The following RYR2 variants were observed in gnomAD, a reference collection of about 807,000 sequenced individuals.
RYR2 encodes cardiac muscle ryanodine receptor-calcium release channel.
In RYR2, 227 loss-of-function variants were observed where a neutral mutation model predicts 601.1. The ratio of observed to expected loss-of-function variants is 0.38; its 90% CI spans 0.34 to 0.42. The LOEUF is 0.42. RYR2 is among the 10% of genes least tolerant of loss of function. The pLI, the probability that RYR2 is intolerant of heterozygous loss-of-function variation, is 1.00. For missense variants in RYR2, 4,646 were observed against 6,156.5 expected, an observed-to-expected ratio of 0.75 and a Z score of 8.21; for synonymous variants, 2,223 against 2,175.1, an observed-to-expected ratio of 1.02 and a Z score of -0.61.
At chr1:237,523,666 G>A (rs1667304239) in intron 24 of RYR2, among the ~76,000 whole-genome samples, 1 of 152,004 alleles carries the variant, frequency 6.6e-6, no homozygotes, top group Admixed American at 6.6e-5. Flanking sequence ...GAACCTGGGA[G>A]GAAGTGGTTG....
At chr1:237,366,604 AC>A (rs1416194515) in intron 5 of RYR2, among the ~76,000 whole-genome samples, 1 of 152,032 alleles carries the variant, frequency 6.6e-6, no homozygotes, top group Non-Finnish European at 1.5e-5. Context: ...GAGCCAAAAA[AC>A]AAAAAAAGCA....
intron 2 of RYR2, among the ~76,000 whole-genome samples, chr1:237,323,726 A>G (rs1695872720): frequency 6.6e-6 from 1 of 152,154 alleles, no homozygotes; most frequent in South Asian, 2.1e-4. Flanking sequence ...ATGTACTGCT[A>G]ATTACCACTC....
Position 237,548,542 on chromosome 1 carries a change from G to A in RYR2, c.3018G>A (p.Val1006=). ...AGTTGGCAGAAAATGCACATAATGT[G>A]TGGGCGCGGGATCGAATCCGGCAGG... ...VDKLAENAHN[V]WARDRIRQGW... The change falls in exon 26 of 105, where the codon GTG becomes GTA. Residue 1006 remains valine, a synonymous_variant. Transcript: ENST00000366574. The A allele has an allele frequency of 6.2e-7, 1 of 1,614,018 alleles. No homozygotes were observed. Among genetic ancestry groups the A allele is most frequent in the Non-Finnish European group, 8.5e-7 (1 of 1,179,884 alleles).
intron 3 of RYR2, among the ~76,000 whole-genome samples, chr1:237,335,212 T>TC: frequency 6.6e-6 from 1 of 152,164 alleles, no homozygotes; most frequent in East Asian, 1.9e-4. Context: ...TTTGCTTGTT[T>TC]CCATGTGTTT....
chr1:237,727,849 G>A (rs1259796530), intron 76 of RYR2, among the ~76,000 whole-genome samples: 1 of 152,058 alleles, frequency 6.6e-6, no homozygotes, highest in Non-Finnish European at 1.5e-5. Flanking sequence ...GTACATTCAA[G>A]TCTGGCTTAG....
intron 1 of RYR2, among the ~76,000 whole-genome samples, chr1:237,061,287 C>T (rs1662848317): frequency 2.1e-5 from 1 of 47,872 alleles, no homozygotes; most frequent in African/African-American, 5.0e-5. Flanking sequence ...ATCTATCTAT[C>T]TATCTATCTA....
chr1:237,624,957 T>C (rs61834867), intron 39 of RYR2, among the ~76,000 whole-genome samples: 3,077 of 145,414 alleles, frequency 0.021, 54 homozygotes, highest in Middle Eastern at 0.077. Context: ...CAGAAAATTA[T>C]ACTACATGTG....
chr1:237,272,049 A>G (rs2098504), intron 2 of RYR2, among the ~76,000 whole-genome samples: 74,535 of 151,944 alleles, frequency 0.49, 20,255 homozygotes, highest in East Asian at 0.78. Context: ...AGAATCCCTT[A>G]AACCCAGGAA....
intron 1 of RYR2, among the ~76,000 whole-genome samples, chr1:237,065,087 C>T (rs974782472): frequency 5.3e-5 from 8 of 151,942 alleles, no homozygotes; most frequent in Non-Finnish European, 1.0e-4. Context: ...TGATACTCTC[C>T]AGTCATTTTT....
intron 1 of RYR2, among the ~76,000 whole-genome samples, chr1:237,165,236 G>C (rs1034567682): frequency 6.6e-6 from 1 of 152,202 alleles, no homozygotes; most frequent in African/African-American, 2.4e-5. Flanking sequence ...ACAAGAGTGA[G>C]GTAAAGTGGT....
chr1:237,105,316 G>A (rs1668541297), intron 1 of RYR2, among the ~76,000 whole-genome samples: 1 of 152,178 alleles, frequency 6.6e-6, no homozygotes, highest in Non-Finnish European at 1.5e-5. Context: ...GAATTGCATT[G>A]CATGTTAGAA....
At chr1:237,297,650 C>T (rs1020981630) in intron 2 of RYR2, among the ~76,000 whole-genome samples, 1 of 151,930 alleles carries the variant, frequency 6.6e-6, no homozygotes, top group Non-Finnish European at 1.5e-5. Context: ...CTCTGCAACT[C>T]ACATTGAGAG....
At chr1:237,345,460 T>TAAAAAAA (rs1558658074) in intron 3 of RYR2, among the ~76,000 whole-genome samples, 2 of 128,668 alleles carry the variant, frequency 1.6e-5, no homozygotes, top group Non-Finnish European at 3.3e-5. Context: ...TGCCAAAAAA[T>TAAAAAAA]AAAAAATAAA....
intron 1 of RYR2, among the ~76,000 whole-genome samples, chr1:237,138,701 G>A (rs992530421): frequency 6.6e-6 from 1 of 152,170 alleles, no homozygotes; most frequent in African/African-American, 2.4e-5. Flanking sequence ...TATTCAGCAT[G>A]TAAACATTTG....
chr1:237,395,284 C>G (rs1026574271), intron 10 of RYR2, among the ~76,000 whole-genome samples: 1 of 152,158 alleles, frequency 6.6e-6, no homozygotes, highest in Non-Finnish European at 1.5e-5. Flanking sequence ...TCAGCCAAGT[C>G]TTTGTTGACC....
intron 84 of RYR2, among the ~76,000 whole-genome samples, chr1:237,768,202 A>C (rs946112794): frequency 6.6e-6 from 1 of 152,242 alleles, no homozygotes; most frequent in South Asian, 2.1e-4. Flanking sequence ...ATCCATGAAG[A>C]TGGTGTTCAG....
intron 58 of RYR2, among the ~76,000 whole-genome samples, chr1:237,672,804 T>C (rs1372470663): frequency 2.0e-5 from 3 of 152,234 alleles, no homozygotes; most frequent in African/African-American, 7.2e-5. Flanking sequence ...GACAACTGTT[T>C]GTGCTTGATA....
chr1:237,605,783 A>G (rs1382450311), intron 35 of RYR2, among the ~76,000 whole-genome samples: 2 of 152,112 alleles, frequency 1.3e-5, no homozygotes, highest in Admixed American at 6.6e-5. Flanking sequence ...ACAGACAAAC[A>G]GAGAGCCAAA....
intron 102 of RYR2, 99 bp downstream of exon 102, chr1:237,828,544 G>C (rs1398114523): frequency 1.3e-6 from 1 of 770,642 alleles, no homozygotes; most frequent in Non-Finnish European, 2.1e-6. Context: ...GAAGGAGGAG[G>C]GGGAAGGGCA....
Sources: gnomAD v4.1 joint callset for allele counts (sites outside exome capture counted in the v4.1 genomes callset) on GRCh38, gnomAD v4.1.1 for gene constraint, MANE v1.5 for transcripts, NCBI Gene and HGNC (gene_info 2026-07-23, HGNC 2026-07-21) for gene names.